BDP1: variants seen among roughly 807,000 people sequenced by gnomAD.
BDP1 encodes the protein transcription factor TFIIIB component B'' homolog.
BDP1 carries 169 observed loss-of-function variants against 266.6 expected under a neutral mutation model. The ratio of observed to expected loss-of-function variants is 0.63; its 90% CI spans 0.56 to 0.72. The LOEUF (loss-of-function observed/expected upper bound fraction) is 0.72, where lower values mean the gene tolerates loss of function less well. BDP1 is among the 30% of genes least tolerant of loss of function. The probability of loss-of-function intolerance (pLI) is 0.00; values close to 1 mark genes in which losing one functional copy is unlikely to be tolerated. For synonymous variants in BDP1, 1,090 were observed against 1,022.4 expected, an observed-to-expected ratio of 1.07 and a Z score of -1.26; for missense variants, 3,015 against 3,053.8, an observed-to-expected ratio of 0.99 and a Z score of 0.30.
intron 25 of BDP1, among the ~76,000 whole-genome samples, chr5:71,530,014 C>T (rs1340858554): frequency 6.6e-6 from 1 of 152,142 alleles, no homozygotes; most frequent in Non-Finnish European, 1.5e-5. Flanking sequence ...CTGTGAATAT[C>T]CCAAAATACA....
intron 20 of BDP1, 25 bp from the exon 21 acceptor site, chr5:71,516,036 C>T: frequency 1.9e-6 from 3 of 1,551,714 alleles, no homozygotes; most frequent in South Asian, 2.4e-5. Context: ...AAGCGCCCTG[C>T]CTTTCTCCCT....
intron 26 of BDP1, among the ~76,000 whole-genome samples, chr5:71,535,895 C>G (rs1766569475): frequency 6.6e-6 from 1 of 152,028 alleles, no homozygotes; most frequent in Admixed American, 6.6e-5. Flanking sequence ...CCAATATGAC[C>G]TCATCTAAAT....
chr5:71,554,766 A>T (rs1469947342), intron 35 of BDP1, among the ~76,000 whole-genome samples: 3 of 151,940 alleles, frequency 2.0e-5, no homozygotes, highest in Non-Finnish European at 4.4e-5. Context: ...CATTTTAACA[A>T]TTTTTTAAAA....
At chr5:71,494,057 T>C (rs1763741509) in intron 11 of BDP1, among the ~76,000 whole-genome samples, 1 of 152,146 alleles carries the variant, frequency 6.6e-6, no homozygotes, top group African/African-American at 2.4e-5. Flanking sequence ...ACACAGACTT[T>C]AAAAGATAAG....
rs141258230 is a variant in BDP1, at chr5:71,507,483, A to G, written c.2373-1982A>G. Among the ~76,000 whole-genome samples the G allele has an allele frequency of 3.2e-4, 48 of 152,344 alleles. 2 individuals carry two copies. The South Asian group carries it at 6.0e-3, about 19-fold the overall frequency. On this transcript the variant is annotated intron_variant, in intron 16 of 38. Coordinates refer to ENST00000358731, the MANE Select transcript of BDP1 (RefSeq NM_018429.3). Reference sequence around the variant, plus strand: ...ATAACATTGCATATCTGTATCTTACAATCTGAACTGTTATGGAAATAATGA... The same window carrying G: ...ATAACATTGCATATCTGTATCTTACGATCTGAACTGTTATGGAAATAATGA...
rs552545657 is a variant in BDP1 at position 71,551,765 on chromosome 5, C to T, written c.6996-1351C>T. Among the ~76,000 whole-genome samples the T allele has an allele frequency of 1.1e-4, 16 of 149,912 alleles. 1 individual carries two copies. Among genetic ancestry groups the T allele is most frequent in the African/African-American group, 3.4e-4 (14 of 40,780 alleles). On this transcript the variant is annotated intron_variant, in intron 34 of 38. Transcript: ENST00000358731. ...TCACCTCCCGGACGGGGCGGCTGGCCGGGAGGGGGGCTGACCCCCCCACCT... is the reference window on the plus strand; with the variant it reads ...TCACCTCCCGGACGGGGCGGCTGGCTGGGAGGGGGGCTGACCCCCCCACCT...
chr5:71,558,295 G>A (rs1743369636), intron 36 of BDP1, among the ~76,000 whole-genome samples: 2 of 152,174 alleles, frequency 1.3e-5, no homozygotes, highest in Admixed American at 1.3e-4. Context: ...CAGCACTTTG[G>A]GAGGCCGAGG....
chr5:71,517,176 G>C, intron 21 of BDP1, 146 bp from the exon 22 acceptor site: 1 of 673,330 alleles, frequency 1.5e-6, no homozygotes, highest in Non-Finnish European at 2.4e-6. Context: ...AGCCTGGGCA[G>C]TATGATGAGA....
Position 71,516,099 on chromosome 5 carries a change from AAAGTGTTATC to A in BDP1, c.4689_4698del (p.Glu1563AspfsTer7). On this transcript the variant is annotated frameshift_variant, in exon 21 of 39. Coordinates refer to ENST00000358731, the MANE Select transcript of BDP1 (RefSeq NM_018429.3). LOFTEE classifies it high-confidence loss of function. ...AACACTTTCCAGCAAGAAATGAAGG[AAAGTGTTATC>A]CAAACTGCTCGACAAGTAAGGGGCC... 6.2e-7 allele frequency: 1 copy of A among 1,611,116 alleles called. No individual in the cohort carries two copies. Among genetic ancestry groups the A allele is most frequent in the Non-Finnish European group, 8.5e-7 (1 of 1,178,352 alleles).
In BDP1 at chr5:71,516,158, A is replaced by G. The variant is rs565189247; in HGVS notation, c.4747A>G (p.Ile1583Val). The change falls in exon 21 of 39, where the codon ATA (isoleucine) becomes GTA (valine). Residue 1583 changes from isoleucine to valine, a missense_variant. Around this residue, in one of 3 missense-constraint regions of BDP1, gnomAD observed 2,383 missense variants for 2,404.9 expected, o/e 0.99. Coordinates refer to ENST00000358731, the MANE Select transcript of BDP1 (RefSeq NM_018429.3). ...RGRLQRPRPN[I>V]RKTGQRQIVD... Reference sequence around the variant, plus strand: ...CCGACTTCAGAGACCGAGACCAAATATAAGAAAGACAGGACAGAGGCAAAT... The same window carrying G: ...CCGACTTCAGAGACCGAGACCAAATGTAAGAAAGACAGGACAGAGGCAAAT... The G allele has an allele frequency of 5.7e-5, 92 of 1,613,520 alleles. 1 individual carries two copies. The highest frequency in any genetic ancestry group is 5.0e-4 in the Middle Eastern group (3 of 6,060).
intron 13 of BDP1, among the ~76,000 whole-genome samples, chr5:71,498,761 T>C (rs1764048863): frequency 6.7e-6 from 1 of 148,578 alleles, no homozygotes; most frequent in Non-Finnish European, 1.5e-5. Context: ...TCTCGCCCAG[T>C]CGCCCAGGCT....
chr5:71,568,555 A>T (rs1219782201), downstream of BDP1, among the ~76,000 whole-genome samples: 1 of 152,084 alleles, frequency 6.6e-6, no homozygotes, highest in East Asian at 1.9e-4. Context: ...TGCAGCCTCG[A>T]ACTTCTGGGT....
chr5:71,518,575 C>T (rs921125966), intron 22 of BDP1, among the ~76,000 whole-genome samples: 4 of 152,114 alleles, frequency 2.6e-5, no homozygotes, highest in African/African-American at 7.2e-5. Flanking sequence ...CTCAACCTCT[C>T]GAGTAGCTGG....
At chr5:71,508,365 A>G (rs1226988996) in intron 16 of BDP1, among the ~76,000 whole-genome samples, 1 of 152,116 alleles carries the variant, frequency 6.6e-6, no homozygotes, top group East Asian at 1.9e-4. Flanking sequence ...GTGCAGTGGC[A>G]TGATCATGGC....
At chr5:71,504,486 T>C (rs1764455236) in intron 15 of BDP1, 135 bp from the exon 16 acceptor site, 2 of 764,086 alleles carry the variant, frequency 2.6e-6, no homozygotes, top group African/African-American at 1.8e-5. Flanking sequence ...GAAAAAACAT[T>C]AAAAGTATTT....
intron 32 of BDP1, 43 bp from the exon 33 acceptor site, chr5:71,548,639 G>T: frequency 7.7e-7 from 1 of 1,295,668 alleles, no homozygotes; most frequent in Non-Finnish European, 1.1e-6. Flanking sequence ...TTAAATGTAA[G>T]ATTTGGCCAA....
chr5:71,527,743 T>G (rs1765978307), intron 25 of BDP1, among the ~76,000 whole-genome samples: 1 of 152,202 alleles, frequency 6.6e-6, no homozygotes, highest in Non-Finnish European at 1.5e-5. Flanking sequence ...TAAATACCTC[T>G]TTGAATCTCT....
intron 7 of BDP1, among the ~76,000 whole-genome samples, chr5:71,483,223 C>T (rs942912764): frequency 5.3e-5 from 8 of 152,242 alleles, no homozygotes; most frequent in Admixed American, 1.3e-4. Context: ...CGTGATCAGA[C>T]GTCTTCAGAC....
intron 10 of BDP1, among the ~76,000 whole-genome samples, chr5:71,490,346 T>C (rs1763512021): frequency 6.6e-6 from 1 of 152,232 alleles, no homozygotes; most frequent in African/African-American, 2.4e-5. Context: ...TAGTATGCTT[T>C]GTAGGCATCT....
Sources: allele counts gnomAD v4.1 joint callset (sites outside exome capture counted in the v4.1 genomes callset), GRCh38; gene constraint gnomAD v4.1.1; regional missense constraint gnomAD v4.1.1; transcripts MANE v1.5; gene names NCBI Gene and HGNC (gene_info 2026-07-23, HGNC 2026-07-21).